Variants in C14orf132 observed in about 807,000 individuals in gnomAD.
C14orf132 encodes chromosome 14 open reading frame 132, also known as uncharacterized protein C14orf132.
A neutral mutation model predicts 5.8 loss-of-function variants in C14orf132; 6 were observed. That is an observed-to-expected ratio of 1.03 (90% CI 0.57 to 2.04). The LOEUF is 2.04. Among genes scored for constraint, C14orf132 ranks in the 30% most tolerant of loss-of-function variants. C14orf132 has a pLI of 0.00. For missense variants in C14orf132, 125 were observed against 115.8 expected (o/e 1.08, Z -0.37); for synonymous variants, 51 against 49.8 (o/e 1.02, Z -0.10).
intron 1 of C14orf132, among the ~76,000 whole-genome samples, chr14:96,064,393 C>CACACACACACACACACAT (rs771778523): frequency 4.2e-4 from 61 of 146,390 alleles, no homozygotes; most frequent in African/African-American, 1.4e-3. Context: ...CACACACACA[C>CACACACACACACACACAT]ATATACATAT....
chr14:96,068,277 C>G (rs1887593241), intron 1 of C14orf132, among the ~76,000 whole-genome samples: 3 of 152,194 alleles, frequency 2.0e-5, no homozygotes. Context: ...GGCCAGTTCT[C>G]TGCAGGATGT....
intron 1 of C14orf132, among the ~76,000 whole-genome samples, chr14:96,041,205 A>C (rs1459811624): frequency 6.6e-6 from 1 of 152,218 alleles, no homozygotes. Flanking sequence ...AGTACCACAC[A>C]TATGAGAACA....
At chr14:96,080,700 G>C (rs1888004541) in intron 1 of C14orf132, among the ~76,000 whole-genome samples, 2 of 152,186 alleles carry the variant, frequency 1.3e-5, no homozygotes, top group Admixed American at 1.3e-4. Context: ...GAGACTGTTG[G>C]GAAGGCAGGG....
chr14:96,070,137 A>G (rs143150542), intron 1 of C14orf132, among the ~76,000 whole-genome samples: 14 of 152,332 alleles, frequency 9.2e-5, no homozygotes, highest in African/African-American at 3.1e-4. Context: ...CCAAGAGCCT[A>G]TGAAGTAGGA....
At chr14:96,063,870 A>T (rs559834928) in intron 1 of C14orf132, among the ~76,000 whole-genome samples, 1 of 152,300 alleles carries the variant, frequency 6.6e-6, no homozygotes, top group East Asian at 1.9e-4. Flanking sequence ...CAAACAAATC[A>T]GTAATAAAAA....
intron 1 of C14orf132, among the ~76,000 whole-genome samples, chr14:96,064,056 CA>C (rs1887445014): frequency 6.6e-6 from 1 of 151,890 alleles, no homozygotes; most frequent in African/African-American, 2.4e-5. Context: ...TGGCCATAAT[CA>C]AAAAACAGTA....
At chr14:96,075,789 T>C (rs905470061) in intron 1 of C14orf132, among the ~76,000 whole-genome samples, 1 of 152,230 alleles carries the variant, frequency 6.6e-6, no homozygotes, top group East Asian at 1.9e-4. Context: ...CTCTATATAT[T>C]GCTGGATTTA....
At chr14:96,056,470 G>A (rs1887188162) in intron 1 of C14orf132, among the ~76,000 whole-genome samples, 5 of 152,166 alleles carry the variant, frequency 3.3e-5, no homozygotes, top group Admixed American at 3.3e-4. Context: ...GTGGTCAAGG[G>A]TTTCAGAGGA....
intron 1 of C14orf132, among the ~76,000 whole-genome samples, chr14:96,062,319 C>T (rs1887382037): frequency 6.6e-6 from 1 of 152,134 alleles, no homozygotes; most frequent in Non-Finnish European, 1.5e-5. Context: ...AGAGAGAGAG[C>T]CTGACTGCAC....
At chr14:96,080,012 T>C (rs553563862) in intron 1 of C14orf132, among the ~76,000 whole-genome samples, 1 of 152,364 alleles carries the variant, frequency 6.6e-6, no homozygotes, top group South Asian at 2.1e-4. Context: ...GATATACTTA[T>C]GCTAAAAATT....
chr14:96,042,341 T>C (rs922025672), intron 1 of C14orf132, among the ~76,000 whole-genome samples: 39 of 152,286 alleles, frequency 2.6e-4, no homozygotes, highest in African/African-American at 7.9e-4. Flanking sequence ...AGTAAGGCAG[T>C]GGGAGCCATT....
At chr14:96,047,556 CA>C (rs1175024460) in intron 1 of C14orf132, among the ~76,000 whole-genome samples, 4 of 152,174 alleles carry the variant, frequency 2.6e-5, no homozygotes, top group African/African-American at 4.8e-5. Context: ...TTTGAGGTAG[CA>C]GACAAACCCT....
rs978554746 is a variant in C14orf132, at chr14:96,061,656, G to T, written c.27+22129G>T. Among the ~76,000 whole-genome samples, 12 of 152,310 alleles carry T rather than the reference G, an allele frequency of 7.9e-5. 1 individual carries two copies. The highest frequency in any genetic ancestry group is 3.9e-4 in the East Asian group (2 of 5,182). ...ATAAACATCTCAGGACAGGTGCAGT[G>T]GCTCACACCTGTAATCTCAGCACTT... On this transcript the variant is annotated intron_variant, in intron 1 of 1. Coordinates refer to ENST00000555004, the MANE Select transcript of C14orf132 (RefSeq NM_001252507.3).
Position 96,091,282 on chromosome 14 carries a change from CAAGTGT to C in C14orf132, c.*4552_*4557del. 1 of 344,964 alleles carries C rather than the reference CAAGTGT, an allele frequency of 2.9e-6. No homozygotes were observed. The highest frequency in any genetic ancestry group is 2.3e-5 in the South Asian group (1 of 42,740). The allele number at this position is 344,964 out of a possible 1,614,324, so 21.4% of individuals were successfully genotyped here. On this transcript the variant is annotated 3_prime_UTR_variant, in exon 2 of 2. Transcript: ENST00000555004. Reference sequence around the variant, plus strand: ...GAGCTTATAGCCAGATTGCCACATTCAAGTGTAAGTCCAGGAAAGGGGCAGGCGGCA... The same window carrying C: ...GAGCTTATAGCCAGATTGCCACATTCAAGTCCAGGAAAGGGGCAGGCGGCA...
intron 1 of C14orf132, among the ~76,000 whole-genome samples, chr14:96,040,748 C>CT (rs34675675): frequency 0.025 from 3,640 of 146,862 alleles, 73 homozygotes; most frequent in African/African-American, 0.043. Flanking sequence ...ATCGCTGGCC[C>CT]TTTTTTTTTT....
chr14:96,057,693 T>C (rs1402977577), intron 1 of C14orf132, among the ~76,000 whole-genome samples: 1 of 152,174 alleles, frequency 6.6e-6, no homozygotes, highest in South Asian at 2.1e-4. Context: ...TGATGAATGA[T>C]GTCTATTGGT....
rs1888265998 is a variant in C14orf132, at chr14:96,088,237, G to A, written c.*1502G>A. The A allele has an allele frequency of 6.6e-6, 1 of 152,162 alleles. No individual in the cohort carries two copies. Among genetic ancestry groups the A allele is most frequent in the African/African-American group, 2.4e-5 (1 of 41,428 alleles). The allele number at this position is 152,162 out of a possible 1,614,324, so 9.4% of individuals were successfully genotyped here. ...TGATGACAGGCAAAGGGACATCTTA[G>A]TTGTCCAGAAGCGGCACTCTTCCCT... is the stretch of plus-strand genomic sequence containing the variant. On this transcript the variant is annotated 3_prime_UTR_variant, in exon 2 of 2. Coordinates refer to ENST00000555004, the MANE Select transcript of C14orf132 (RefSeq NM_001252507.3).
chr14:96,091,960 G>T lies in C14orf132; in HGVS notation c.*5225G>T, dbSNP rs1263161646. 1 of 152,216 alleles carries T rather than the reference G, an allele frequency of 6.6e-6. No homozygotes were observed. Among genetic ancestry groups the T allele is most frequent in the Non-Finnish European group, 1.5e-5 (1 of 68,042 alleles). The allele number at this position is 152,216 out of a possible 1,614,324, so 9.4% of individuals were successfully genotyped here. ...GAGCATTTACTGGGTTTCTTTTTGA[G>T]GAAGAGGGAAAGTGACAAAGGACAA... is the stretch of plus-strand genomic sequence containing the variant. On this transcript the variant is annotated 3_prime_UTR_variant, in exon 2 of 2. Coordinates refer to ENST00000555004, the MANE Select transcript of C14orf132 (RefSeq NM_001252507.3).
intron 1 of C14orf132, among the ~76,000 whole-genome samples, chr14:96,079,699 G>A (rs533154940): frequency 3.3e-5 from 5 of 152,158 alleles, no homozygotes; most frequent in Non-Finnish European, 5.9e-5. Context: ...TTAGTGATGA[G>A]AGAAATTATC....
Sources: gnomAD v4.1 joint callset for allele counts (sites outside exome capture counted in the v4.1 genomes callset) on GRCh38, gnomAD v4.1.1 for gene constraint, MANE v1.5 for transcripts, NCBI Gene and HGNC (gene_info 2026-07-23, HGNC 2026-07-21) for gene names.